Variants in UTP11 observed in about 807,000 individuals in gnomAD.
The protein encoded by UTP11 is UTP11 small subunit processome component, also known as probable U3 small nucleolar RNA-associated protein 11.
A neutral mutation model predicts 39.0 loss-of-function variants in UTP11; 29 were observed. That is an observed-to-expected ratio of 0.74 (90% CI 0.55 to 1.01). The LOEUF (loss-of-function observed/expected upper bound fraction) is 1.01. Among genes scored for constraint, UTP11 ranks in the 50% least tolerant of loss-of-function variants. The pLI is 0.00. For missense variants in UTP11, 281 were observed against 306.0 expected, an observed-to-expected ratio of 0.92 and a Z score of 0.61; for synonymous variants, 111 against 105.0, an observed-to-expected ratio of 1.06 and a Z score of -0.35.
intron 2 of UTP11, chr1:38,016,875 A>G (rs1446840761): frequency 6.0e-6 from 1 of 167,538 alleles, no homozygotes; most frequent in Non-Finnish European, 1.3e-5. Flanking sequence ...AAAACATTTT[A>G]TAAAACAATT....
intron 1 of UTP11, among the ~76,000 whole-genome samples, chr1:38,016,037 C>T (rs957987647): frequency 6.6e-6 from 1 of 152,258 alleles, no homozygotes; most frequent in African/African-American, 2.4e-5. Context: ...ATTTTATAAA[C>T]CCTTGGATTA....
At chr1:38,023,275 G>A (rs767101723) in intron 7 of UTP11, among the ~76,000 whole-genome samples, 19 of 152,158 alleles carry the variant, frequency 1.2e-4, no homozygotes, top group African/African-American at 3.9e-4. Flanking sequence ...CTGGGGTTCC[G>A]TGAGAGAATT....
chr1:38,015,046 G>A (rs1349423976), intron 1 of UTP11, among the ~76,000 whole-genome samples: 1 of 151,694 alleles, frequency 6.6e-6, no homozygotes. Flanking sequence ...TTTTTGAGGC[G>A]GAGTCTCGCC....
intron 7 of UTP11, 67 bp from the exon 8 acceptor site, chr1:38,023,474 AGTTT>A: frequency 7.3e-7 from 1 of 1,370,874 alleles, no homozygotes; most frequent in Non-Finnish European, 1.0e-6. Flanking sequence ...GCTAATAGGT[AGTTT>A]ATTAACCTTT....
At chr1:38,017,554 C>G (rs532908542) in intron 2 of UTP11, 114 bp from the exon 3 acceptor site, 178 of 785,028 alleles carry the variant, frequency 2.3e-4, no homozygotes, top group Non-Finnish European at 2.9e-4. Flanking sequence ...TTTTGAGTTT[C>G]ACTCTGTGTG....
Position 38,017,779 on chromosome 1 carries a change from C to T in UTP11, c.228+9C>T, listed in dbSNP as rs1427786540. The T allele has an allele frequency of 1.3e-6, 2 of 1,597,176 alleles. No individual in the cohort carries two copies. Among genetic ancestry groups the T allele is most frequent in the South Asian group, 2.3e-5 (2 of 87,870 alleles). ...CTCGGGTTAAACTCCAGGTGGGTGCCCAATGGCTTGGTTGGTGTTTTGAGC... is the reference window on the plus strand; with the variant it reads ...CTCGGGTTAAACTCCAGGTGGGTGCTCAATGGCTTGGTTGGTGTTTTGAGC... On this transcript the variant is annotated intron_variant, in intron 3 of 7. Coordinates refer to ENST00000373014, the MANE Select transcript of UTP11 (RefSeq NM_016037.4).
At chr1:38,017,846 A>G (rs1324900010) in intron 3 of UTP11, 76 bp downstream of exon 3, 1 of 1,320,734 alleles carries the variant, frequency 7.6e-7, no homozygotes, top group Non-Finnish European at 1.1e-6. Flanking sequence ...GATGGAGAGG[A>G]AGAATCGTTG....
In UTP11 at chr1:38,019,165, TGAA is replaced by T. The variant is rs1297009519; in HGVS notation, c.436+15_436+17del. ...ACCAAAAAGGAAGGTATGAAATGTT[TGAA>T]GGTTTCTGGGACAGTCTACCATGCC... On this transcript the variant is annotated intron_variant, in intron 5 of 7. Coordinates refer to ENST00000373014, the MANE Select transcript of UTP11 (RefSeq NM_016037.4). 6.2e-7 allele frequency: 1 copy of T among 1,614,034 alleles called. No individual in the cohort carries two copies. Among genetic ancestry groups the T allele is most frequent in the South Asian group, 1.1e-5 (1 of 91,062 alleles).
rs1646745422 is a variant in UTP11 at position 38,022,755 on chromosome 1, A to C, written c.624A>C (p.Arg208=). The change falls in exon 7 of 8, where the codon CGA becomes CGC. Residue 208 remains arginine, a synonymous_variant. Transcript: ENST00000373014. ...ACTGCCTGACACAGCGGATTGAACG[A>C]GAGAAGAAATTGTTCGTTATTGCTC... ...QYNCLTQRIE[R]EKKLFVIAQK... is the part of the protein sequence containing the mutation. 2 of 1,614,024 alleles carry C rather than the reference A, an allele frequency of 1.2e-6. No homozygotes were observed. The highest frequency in any genetic ancestry group is 1.7e-6 in the Non-Finnish European group (2 of 1,179,982).
intron 6 of UTP11, among the ~76,000 whole-genome samples, chr1:38,022,075 A>G (rs765745542): frequency 1.3e-5 from 2 of 152,210 alleles, no homozygotes; most frequent in Non-Finnish European, 2.9e-5. Flanking sequence ...AGGCACCAGC[A>G]CACTGCCTGG....
intron 1 of UTP11, among the ~76,000 whole-genome samples, chr1:38,014,367 A>T (rs1301716915): frequency 1.3e-5 from 2 of 152,216 alleles, no homozygotes; most frequent in East Asian, 3.8e-4. Flanking sequence ...GGTAGTTTGG[A>T]CTTTATCCTG....
Position 38,018,560 on chromosome 1 carries a change from A to ACC in UTP11, c.325_326insCC (p.Arg109ThrfsTer12). ...GGACGTCAAATATATAGAAATGAAGAGGGTTGCAGAAGCTAAGGTAATTCA... is the reference window on the plus strand; with the variant it reads ...GGACGTCAAATATATAGAAATGAAGACCGGGTTGCAGAAGCTAAGGTAATTCA... On this transcript the variant is annotated frameshift_variant, in exon 4 of 8. Coordinates refer to ENST00000373014, the MANE Select transcript of UTP11 (RefSeq NM_016037.4). LOFTEE classifies it high-confidence loss of function. 3 of 1,610,056 alleles carry ACC rather than the reference A, an allele frequency of 1.9e-6. No homozygotes were observed. The highest frequency in any genetic ancestry group is 2.5e-6 in the Non-Finnish European group (3 of 1,176,998).
chr1:38,021,031 C>G (rs1646734097), intron 6 of UTP11, among the ~76,000 whole-genome samples: 1 of 151,898 alleles, frequency 6.6e-6, no homozygotes, highest in African/African-American at 2.4e-5. Flanking sequence ...AAGCAATTCT[C>G]TTGCCTCAGC....
chr1:38,015,703 G>A (rs1489402445), intron 1 of UTP11, among the ~76,000 whole-genome samples: 1 of 152,182 alleles, frequency 6.6e-6, no homozygotes, highest in African/African-American at 2.4e-5. Flanking sequence ...GTCAGAGAAA[G>A]TACTTTCTGT....
chr1:38,022,137 G>A (rs1232579169), intron 6 of UTP11, among the ~76,000 whole-genome samples: 4 of 152,114 alleles, frequency 2.6e-5, no homozygotes, highest in Admixed American at 6.5e-5. Flanking sequence ...TTTGTATAGG[G>A]TTTCCAACAC....
At chr1:38,014,170 A>G (rs1345920264) in intron 1 of UTP11, among the ~76,000 whole-genome samples, 1 of 152,250 alleles carries the variant, frequency 6.6e-6, no homozygotes, top group East Asian at 1.9e-4. Context: ...GAGATTGAAT[A>G]GTATATCCAA....
At chr1:38,013,882 T>C (rs944567042) in intron 1 of UTP11, among the ~76,000 whole-genome samples, 7 of 152,114 alleles carry the variant, frequency 4.6e-5, no homozygotes, top group Non-Finnish European at 7.4e-5. Flanking sequence ...GCCCTGCTAA[T>C]TTTTGTATTT....
chr1:38,016,950 T>C (rs1646710401), intron 2 of UTP11: 1 of 159,212 alleles, frequency 6.3e-6, no homozygotes, highest in Admixed American at 6.0e-5. Context: ...TTGTTAGCGA[T>C]ACATGTCAGC....
rs750257177 is a variant in UTP11 at position 38,023,675 on chromosome 1, G to C, written c.*47G>C. On this transcript the variant is annotated 3_prime_UTR_variant, in exon 8 of 8. Transcript: ENST00000373014. ...CATTCTGTATCAAAAATCTGTTGTCGTTTTCTAGTAACTTCAAATTCCATT... is the reference window on the plus strand; with the variant it reads ...CATTCTGTATCAAAAATCTGTTGTCCTTTTCTAGTAACTTCAAATTCCATT... 6.5e-7 allele frequency: 1 copy of C among 1,534,986 alleles called. No individual in the cohort carries two copies. The highest frequency in any genetic ancestry group is 8.9e-7 in the Non-Finnish European group (1 of 1,129,826).
Sources: allele counts gnomAD v4.1 joint callset (sites outside exome capture counted in the v4.1 genomes callset), GRCh38; gene constraint gnomAD v4.1.1; transcripts MANE v1.5; gene names NCBI Gene and HGNC (gene_info 2026-07-23, HGNC 2026-07-21).